MTRF1: variants seen among roughly 807,000 people sequenced by gnomAD.
MTRF1 encodes the protein mitochondrial translation release factor 1.
Under a neutral mutation model 62.9 loss-of-function variants are expected in MTRF1, and 51 were observed. That is an observed-to-expected ratio of 0.81 (90% CI 0.65 to 1.02). MTRF1 has a LOEUF of 1.02. Among genes scored for constraint, MTRF1 ranks in the 50% least tolerant of loss-of-function variants. MTRF1 has a pLI of 0.00. For synonymous variants in MTRF1, 158 were observed against 181.9 expected (o/e 0.87, Z 1.06); for missense variants, 446 against 530.0 (o/e 0.84, Z 1.56).
At chr13:41,301,862 A>T in the MTRF1 span, among the ~76,000 whole-genome samples, 1 of 152,192 alleles carries the variant, frequency 6.6e-6, no homozygotes, top group Non-Finnish European at 1.5e-5. Context: ...AGATGAACAG[A>T]TGAAAAGTCT....
At chr13:41,311,125 G>A in the MTRF1 span, 1 of 279,330 alleles carries the variant, frequency 3.6e-6, no homozygotes, top group African/African-American at 2.3e-5. Context: ...CCGAGATTGC[G>A]GCGAGGAGAG....
chr13:41,226,113 C>T (rs548098340), intron 8 of MTRF1, among the ~76,000 whole-genome samples: 9 of 152,178 alleles, frequency 5.9e-5, no homozygotes, highest in African/African-American at 2.2e-4. Flanking sequence ...AAATAAAAAA[C>T]GTTCTTAATT....
intron 5 of MTRF1, 69 bp downstream of exon 5, chr13:41,252,576 G>C: frequency 8.1e-7 from 1 of 1,233,786 alleles, no homozygotes; most frequent in Admixed American, 1.9e-5. Flanking sequence ...GGACAATATG[G>C]TTCTAATCAA....
At chr13:41,225,119 C>T (rs2034127981) in intron 8 of MTRF1, among the ~76,000 whole-genome samples, 1 of 144,628 alleles carries the variant, frequency 6.9e-6, no homozygotes, top group South Asian at 2.2e-4. Context: ...AGCTGAGGCA[C>T]AAGAATCGCT....
At position 41,226,930 on chromosome 13, in the gene MTRF1, C is replaced by T. The variant is rs1256995656; in HGVS notation, c.989-362G>A. 2.0e-5 allele frequency among the ~76,000 whole-genome samples: 3 copies of T among 152,100 alleles called. No individual in the cohort carries two copies. In the East Asian group the frequency reaches 5.8e-4, roughly 29 times the overall value. ...ATACTGCGCTGCTCCATTCTCTGTC[C>T]AACTCAAGAAGAACTTGCCTTTTCC... is the stretch of plus-strand genomic sequence containing the variant. On this transcript the variant is annotated intron_variant, in intron 7 of 9. Coordinates refer to ENST00000379480, the MANE Select transcript of MTRF1 (RefSeq NM_004294.4).
At chr13:41,288,076 A>G in the MTRF1 span, 1 of 443,148 alleles carries the variant, frequency 2.3e-6, no homozygotes, top group Non-Finnish European at 4.6e-6. Flanking sequence ...ACAAGGGAGA[A>G]GCATATTAAA....
the MTRF1 span, chr13:41,311,515 C>A: frequency 6.3e-7 from 1 of 1,595,928 alleles, no homozygotes; most frequent in Non-Finnish European, 8.5e-7. Context: ...CACCTAGCCT[C>A]CCTGCCGGCC....
At position 41,254,527 on chromosome 13, in the gene MTRF1, A is replaced by G. The variant is rs1182075228; in HGVS notation, c.507+2T>C. 1 of 1,611,386 alleles carries G rather than the reference A, an allele frequency of 6.2e-7. No individual in the cohort carries two copies. The highest frequency in any genetic ancestry group is 8.5e-7 in the Non-Finnish European group (1 of 1,177,940). On this transcript the variant is annotated splice_donor_variant, in intron 3 of 9. Coordinates refer to ENST00000379480, the MANE Select transcript of MTRF1 (RefSeq NM_004294.4). LOFTEE classifies it high-confidence loss of function. ...GAAACTAGTCGACCTCTGAAAACCT[A>G]CCTCATTGTACAACATGTTGATTTT...
At chr13:41,227,008 T>C (rs2034549008) in intron 7 of MTRF1, among the ~76,000 whole-genome samples, 1 of 152,104 alleles carries the variant, frequency 6.6e-6, no homozygotes, top group African/African-American at 2.4e-5. Context: ...ACCTTTATAA[T>C]GGCTGGGCGC....
At chr13:41,300,841 A>T in the MTRF1 span, among the ~76,000 whole-genome samples, 1 of 152,242 alleles carries the variant, frequency 6.6e-6, no homozygotes, top group African/African-American at 2.4e-5. Context: ...TTTCAGGAAC[A>T]TGAAGATAAT....
the MTRF1 span, among the ~76,000 whole-genome samples, chr13:41,307,380 C>T: frequency 2.0e-5 from 3 of 152,202 alleles, no homozygotes; most frequent in East Asian, 5.8e-4. Flanking sequence ...AATCCCAGCA[C>T]TTTGGGAGGC....
chr13:41,291,416 G>C, the MTRF1 span, among the ~76,000 whole-genome samples: 1 of 152,052 alleles, frequency 6.6e-6, no homozygotes, highest in Non-Finnish European at 1.5e-5. Flanking sequence ...AGGCTCAAGC[G>C]ATCTACCCGC....
At chr13:41,305,920 A>G in the MTRF1 span, among the ~76,000 whole-genome samples, 2 of 151,960 alleles carry the variant, frequency 1.3e-5, no homozygotes, top group Non-Finnish European at 2.9e-5. Flanking sequence ...TACCTTATCT[A>G]TTTGTTTATG....
chr13:41,235,671 T>G (rs1384146208), intron 6 of MTRF1: 2 of 152,868 alleles, frequency 1.3e-5, no homozygotes, highest in African/African-American at 4.8e-5. Flanking sequence ...AGCTGGAAGA[T>G]GCAAGGGAGG....
chr13:41,287,443 G>T, the MTRF1 span, among the ~76,000 whole-genome samples: 2 of 152,184 alleles, frequency 1.3e-5, no homozygotes, highest in African/African-American at 4.8e-5. Flanking sequence ...ATCCACACTG[G>T]AGACTACATT....
intron 6 of MTRF1, 28 bp downstream of exon 6, chr13:41,240,233 A>C (rs1430157205): frequency 3.8e-6 from 6 of 1,574,498 alleles, no homozygotes; most frequent in African/African-American, 1.4e-5. Flanking sequence ...ACATGGAGTG[A>C]GTTTCCCTTG....
the MTRF1 span, among the ~76,000 whole-genome samples, chr13:41,279,882 T>C: frequency 6.6e-6 from 1 of 152,190 alleles, no homozygotes; most frequent in East Asian, 1.9e-4. Flanking sequence ...GCTCTCTCTC[T>C]GAGGACTGGT....
chr13:41,283,726 A>C, the MTRF1 span, among the ~76,000 whole-genome samples: 1 of 148,438 alleles, frequency 6.7e-6, no homozygotes, highest in Non-Finnish European at 1.5e-5. Context: ...AGTAGCTGGG[A>C]CCACAGGCGC....
intron 5 of MTRF1, among the ~76,000 whole-genome samples, chr13:41,242,075 C>T (rs2037575922): frequency 6.6e-6 from 1 of 152,122 alleles, no homozygotes. Context: ...ATAGGAAAAG[C>T]AAGATAAATG....
Sources: gnomAD v4.1 joint callset for allele counts (sites outside exome capture counted in the v4.1 genomes callset) on GRCh38, gnomAD v4.1.1 for gene constraint, MANE v1.5 for transcripts, NCBI Gene and HGNC (gene_info 2026-07-23, HGNC 2026-07-21) for gene names.